Variants in CDH13 observed in about 807,000 individuals in gnomAD.
CDH13 encodes the protein cadherin 13.
Under a neutral mutation model 63.8 loss-of-function variants are expected in CDH13, and 24 were observed. The ratio of observed to expected loss-of-function variants is 0.38; its 90% CI spans 0.27 to 0.53. The LOEUF (loss-of-function observed/expected upper bound fraction) is 0.53. CDH13 is among the 20% of genes least tolerant of loss of function. The probability of loss-of-function intolerance (pLI) is 0.85; values close to 1 mark genes in which losing one functional copy is unlikely to be tolerated. For missense variants in CDH13, 1,049 were observed against 903.1 expected, an observed-to-expected ratio of 1.16 and a Z score of -2.07; for synonymous variants, 503 against 355.3, an observed-to-expected ratio of 1.42 and a Z score of -4.67.
In CDH13 at chr16:83,431,773, TA is replaced by T. The variant is rs150019289; in HGVS notation, c.782-54701del. ...GAGGATAGCACCAAGGGGATGGCAC[TA>T]AACCATTCGCAAGAATTCACCCCCA... On this transcript the variant is annotated intron_variant, in intron 6 of 13. Coordinates refer to ENST00000567109, the MANE Select transcript of CDH13 (RefSeq NM_001257.5). Among the ~76,000 whole-genome samples, 1,141 of 152,214 alleles carry T rather than the reference TA, an allele frequency of 7.5e-3. 10 individuals are homozygous for T. The highest frequency in any genetic ancestry group is 0.026 in the African/African-American group (1,100 of 41,540).
intron 2 of CDH13, among the ~76,000 whole-genome samples, chr16:83,004,200 T>G (rs960787273): frequency 6.6e-6 from 1 of 152,174 alleles, no homozygotes; most frequent in African/African-American, 2.4e-5. Flanking sequence ...AGTATCTGTG[T>G]TCCCTTGCAG....
intron 2 of CDH13, among the ~76,000 whole-genome samples, chr16:82,936,027 C>T (rs1314023397): frequency 6.6e-6 from 1 of 152,164 alleles, no homozygotes; most frequent in Non-Finnish European, 1.5e-5. Context: ...AGGGCATGGG[C>T]AAGGCTGGTC....
chr16:83,429,649 C>T (rs983896794), intron 6 of CDH13, among the ~76,000 whole-genome samples: 1 of 152,156 alleles, frequency 6.6e-6, no homozygotes, highest in African/African-American at 2.4e-5. Flanking sequence ...GGGAAGGTGA[C>T]CAGTTGTGGC....
At chr16:82,648,116 T>C (rs1438747644) in intron 1 of CDH13, among the ~76,000 whole-genome samples, 1 of 152,198 alleles carries the variant, frequency 6.6e-6, no homozygotes, top group African/African-American at 2.4e-5. Flanking sequence ...GAACTGTGTG[T>C]CCATTAAAAC....
chr16:82,649,965 C>G (rs547751512), intron 1 of CDH13, among the ~76,000 whole-genome samples: 57 of 152,264 alleles, frequency 3.7e-4, no homozygotes, highest in African/African-American at 1.3e-3. Context: ...TAAGTTGAAA[C>G]TGTGTAGGGA....
At chr16:83,126,808 A>T (rs2035832288) in intron 4 of CDH13, among the ~76,000 whole-genome samples, 1 of 152,228 alleles carries the variant, frequency 6.6e-6, no homozygotes. Flanking sequence ...TACATGTGAT[A>T]TGCTGGACTC....
chr16:83,203,935 G>T (rs1189982251), intron 4 of CDH13, among the ~76,000 whole-genome samples: 13 of 152,198 alleles, frequency 8.5e-5, no homozygotes, highest in Admixed American at 8.5e-4. Context: ...TTATGACAAA[G>T]CTCAGGGGGT....
At chr16:83,420,442 T>G (rs899190068) in intron 6 of CDH13, among the ~76,000 whole-genome samples, 1 of 152,172 alleles carries the variant, frequency 6.6e-6, no homozygotes, top group African/African-American at 2.4e-5. Context: ...TTTATTCCCA[T>G]AGATCTCTGG....
chr16:82,804,647 T>C (rs1830519007), intron 1 of CDH13, among the ~76,000 whole-genome samples: 5 of 152,282 alleles, frequency 3.3e-5, no homozygotes, highest in Middle Eastern at 3.4e-3. Context: ...GGAGACACTG[T>C]ATGTATGAAA....
intron 2 of CDH13, among the ~76,000 whole-genome samples, chr16:82,978,983 C>T (rs1287040182): frequency 1.3e-5 from 2 of 152,218 alleles, no homozygotes; most frequent in Non-Finnish European, 2.9e-5. Flanking sequence ...AGGGGTGGAG[C>T]TGCCCAAGAT....
intron 5 of CDH13, among the ~76,000 whole-genome samples, chr16:83,286,343 T>C (rs921832440): frequency 4.6e-5 from 7 of 152,216 alleles, no homozygotes; most frequent in African/African-American, 1.7e-4. Context: ...CCCAAAGAGT[T>C]CTATCCTCAG....
intron 1 of CDH13, among the ~76,000 whole-genome samples, chr16:82,774,996 T>A (rs2035430841): frequency 6.6e-6 from 1 of 152,182 alleles, no homozygotes; most frequent in East Asian, 1.9e-4. Context: ...GGAGCAAGAT[T>A]GGGTTGCAGA....
intron 2 of CDH13, among the ~76,000 whole-genome samples, chr16:82,913,086 T>C (rs1028063950): frequency 1.3e-5 from 2 of 152,200 alleles, no homozygotes; most frequent in African/African-American, 4.8e-5. Context: ...TGCATTAATG[T>C]ATGAGACTCT....
At chr16:83,598,661 G>A in intron 7 of CDH13, among the ~76,000 whole-genome samples, 1 of 152,194 alleles carries the variant, frequency 6.6e-6, no homozygotes, top group African/African-American at 2.4e-5. Flanking sequence ...AAATGTATTA[G>A]CTCATAGAAT....
At chr16:83,357,729 C>G in intron 6 of CDH13, among the ~76,000 whole-genome samples, 1 of 152,156 alleles carries the variant, frequency 6.6e-6, no homozygotes, top group East Asian at 1.9e-4. Context: ...TCAGTAGTGC[C>G]AATGTTTCTC....
chr16:82,826,359 A>G (rs1238500247), intron 1 of CDH13: 1 of 152,166 alleles, frequency 6.6e-6, no homozygotes, highest in Non-Finnish European at 1.5e-5. Context: ...AATTTTTATA[A>G]TGAGTAGGGA....
chr16:83,007,176 C>A (rs562839060), intron 2 of CDH13, among the ~76,000 whole-genome samples: 2 of 152,254 alleles, frequency 1.3e-5, no homozygotes, highest in South Asian at 2.1e-4. Flanking sequence ...CCCACCTCGG[C>A]CTCCCAGAGT....
chr16:83,090,323 C>G lies in CDH13; in HGVS notation c.367-35062C>G, dbSNP rs142186252. On this transcript the variant is annotated intron_variant, in intron 3 of 13. Transcript: ENST00000567109. ...GGGCACGGTGGCTCATGCCTGTAAT[C>G]CCAGCACTTTGGGAGGCCGAGGCGG... Among the ~76,000 whole-genome samples the G allele has an allele frequency of 6.6e-3, 997 of 152,206 alleles. 17 individuals carry two copies. Among genetic ancestry groups the G allele is most frequent in the African/African-American group, 0.021 (889 of 41,518 alleles).
intron 10 of CDH13, chr16:83,721,408 G>T (rs1598581174): frequency 6.6e-6 from 1 of 152,214 alleles, no homozygotes; most frequent in East Asian, 1.9e-4. Context: ...GAGAGGAGAG[G>T]TTTGCTGTTT....
Sources: allele counts gnomAD v4.1 joint callset (sites outside exome capture counted in the v4.1 genomes callset), GRCh38; gene constraint gnomAD v4.1.1; transcripts MANE v1.5; gene names NCBI Gene and HGNC (gene_info 2026-07-23, HGNC 2026-07-21).